Variants in FGF13 observed in about 807,000 individuals in gnomAD.
FGF13 encodes fibroblast growth factor 13, also known as fibroblast growth factor homologous factor 2.
FGF13 carries 2 observed loss-of-function variants against 19.5 expected under a neutral mutation model. The ratio of observed to expected loss-of-function variants is 0.10; its 90% CI spans 0.04 to 0.32. The LOEUF (loss-of-function observed/expected upper bound fraction) is 0.32, where lower values mean the gene tolerates loss of function less well. Among genes scored for constraint, FGF13 ranks in the 10% least tolerant of loss-of-function variants. The pLI, the probability that FGF13 is intolerant of heterozygous loss-of-function variation, is 1.00. For synonymous variants in FGF13, 72 were observed against 76.9 expected (o/e 0.94, Z 0.33); for missense variants, 113 against 192.7 (o/e 0.59, Z 2.45).
intron 1 of FGF13, among the ~76,000 whole-genome samples, chrX:139,128,119 G>A (rs1416358203): frequency 1.8e-5 from 2 of 110,569 alleles, no homozygotes; most frequent in South Asian, 4.0e-4. Context: ...CCAGGATCAC[G>A]CTCAGGACCA....
In FGF13 at chrX:138,942,883, C is replaced by A. The variant is rs183527852; in HGVS notation, c.-112-78233G>T. On this transcript the variant is annotated intron_variant, in intron 1 of 2. Transcript: ENST00000421460. ...TTTGTTTGTTTGTTTTGCCATTTAA[C>A]ACATAACTTCTCATCTTAGAGATTG... 3.6e-5 allele frequency among the ~76,000 whole-genome samples: 4 copies of A among 111,319 alleles called. No individual in the cohort carries two copies. The Admixed American group carries it at 3.8e-4, about 11-fold the overall frequency.
chrX:139,033,051 A>C (rs200905038), intron 1 of FGF13, among the ~76,000 whole-genome samples: 1 of 97,757 alleles, frequency 1.0e-5, no homozygotes, highest in East Asian at 3.2e-4. Flanking sequence ...AAAAAAAAAA[A>C]AAAACTACAG....
intron 3 of FGF13, among the ~76,000 whole-genome samples, chrX:138,768,936 G>T (rs1434638870): frequency 9.2e-6 from 1 of 108,910 alleles, no homozygotes; most frequent in Non-Finnish European, 1.9e-5. Context: ...GTCCAGCACA[G>T]CATACTCTTG....
At chrX:138,798,910 T>A in intron 3 of FGF13, among the ~76,000 whole-genome samples, 1 of 111,902 alleles carries the variant, frequency 8.9e-6, no homozygotes. Context: ...TCAGTTGTGA[T>A]ATCCTCTTTA....
chrX:138,782,030 G>T (rs1455051773), intron 3 of FGF13, among the ~76,000 whole-genome samples: 8 of 111,575 alleles, frequency 7.2e-5, no homozygotes, highest in African/African-American at 2.6e-4. Flanking sequence ...ATGTAATCCA[G>T]CATATAAACA....
chrX:139,009,144 C>G (rs1243929123), intron 1 of FGF13, among the ~76,000 whole-genome samples: 1 of 111,877 alleles, frequency 8.9e-6, no homozygotes, highest in Non-Finnish European at 1.9e-5. Context: ...AACAAAGCCT[C>G]CAAGAAGTTT....
At chrX:138,671,645 G>C (rs1239006775) in intron 3 of FGF13, among the ~76,000 whole-genome samples, 3 of 111,142 alleles carry the variant, frequency 2.7e-5, no homozygotes, top group African/African-American at 9.8e-5. Flanking sequence ...AAGCAAGTAC[G>C]TATTGATTCA....
At chrX:138,700,269 C>T (rs1413011620) in intron 3 of FGF13, among the ~76,000 whole-genome samples, 1 of 111,331 alleles carries the variant, frequency 9.0e-6, no homozygotes, top group African/African-American at 3.3e-5. Flanking sequence ...TAGCCCCTTA[C>T]CTCCTTTGCT....
At chrX:139,155,769 G>A (rs925043441) in intron 1 of FGF13, among the ~76,000 whole-genome samples, 1 of 111,964 alleles carries the variant, frequency 8.9e-6, no homozygotes, top group South Asian at 3.7e-4. Context: ...CAGAAGAGTA[G>A]GGAAATGCTT....
At chrX:138,891,169 C>T (rs889478625) in intron 1 of FGF13, among the ~76,000 whole-genome samples, 2 of 111,627 alleles carry the variant, frequency 1.8e-5, no homozygotes, top group Non-Finnish European at 3.8e-5. Context: ...CCTGTAGTTC[C>T]AGCTACTCCG....
chrX:139,030,579 T>C (rs2092222727), intron 1 of FGF13, among the ~76,000 whole-genome samples: 1 of 111,590 alleles, frequency 9.0e-6, no homozygotes, highest in Non-Finnish European at 1.9e-5. Flanking sequence ...TCTTCTGCAA[T>C]TGCAGCCACC....
chrX:138,673,455 C>G (rs1256836198), intron 3 of FGF13, among the ~76,000 whole-genome samples: 1 of 110,860 alleles, frequency 9.0e-6, no homozygotes, highest in Non-Finnish European at 1.9e-5. Flanking sequence ...TGGGAGTAGC[C>G]ATGCTGCCAA....
chrX:138,847,817 A>G (rs2091193696), intron 3 of FGF13, among the ~76,000 whole-genome samples: 1 of 112,043 alleles, frequency 8.9e-6, no homozygotes, highest in African/African-American at 3.2e-5. Context: ...GTAGCCGATT[A>G]CATTTAGATG....
chrX:138,659,059 A>T (rs1460493067), intron 3 of FGF13, among the ~76,000 whole-genome samples: 1 of 111,854 alleles, frequency 8.9e-6, no homozygotes, highest in Non-Finnish European at 1.9e-5. Flanking sequence ...TATCTCTCTA[A>T]TCCTTCTGAA....
intron 1 of FGF13, among the ~76,000 whole-genome samples, chrX:139,170,462 T>C (rs1449065700): frequency 2.7e-5 from 3 of 111,920 alleles, no homozygotes; most frequent in Non-Finnish European, 5.6e-5. Flanking sequence ...CCCAGATACC[T>C]GCATTCTCTA....
At chrX:138,750,488 T>TG (rs1201861614) in intron 3 of FGF13, among the ~76,000 whole-genome samples, 4 of 110,606 alleles carry the variant, frequency 3.6e-5, no homozygotes, top group Non-Finnish European at 5.7e-5. Context: ...CATTTGTAAA[T>TG]GGGGGGGTGG....
chrX:139,072,496 C>T (rs2092380276), intron 1 of FGF13, among the ~76,000 whole-genome samples: 1 of 111,718 alleles, frequency 9.0e-6, no homozygotes, highest in Non-Finnish European at 1.9e-5. Flanking sequence ...CCTTAGAAGA[C>T]TAATACAGTG....
rs146341197 is a variant in FGF13 at position 138,981,699 on chromosome X, T to C, written c.-112-117049A>G. Reference sequence around the variant, plus strand: ...TGGGAACCAGCCTACCTTATTAAACTCATTCTCAATACCCACCCACAAGCA... The same window carrying C: ...TGGGAACCAGCCTACCTTATTAAACCCATTCTCAATACCCACCCACAAGCA... On this transcript the variant is annotated intron_variant, in intron 1 of 2. Transcript: ENST00000421460. Among the ~76,000 whole-genome samples, 289 of 110,645 alleles carry C rather than the reference T, an allele frequency of 2.6e-3. 2 individuals carry two copies. Among genetic ancestry groups the C allele is most frequent in the African/African-American group, 8.9e-3 (271 of 30,426 alleles).
At chrX:138,687,546 T>G (rs2089795739) in intron 3 of FGF13, among the ~76,000 whole-genome samples, 1 of 112,042 alleles carries the variant, frequency 8.9e-6, no homozygotes, top group Non-Finnish European at 1.9e-5. Context: ...CCTTGTACAC[T>G]GTTGGGAATG....
Sources: allele counts gnomAD v4.1 joint callset (sites outside exome capture counted in the v4.1 genomes callset), GRCh38; gene constraint gnomAD v4.1.1; transcripts MANE v1.5; gene names NCBI Gene and HGNC (gene_info 2026-07-23, HGNC 2026-07-21).